Variants in ADAMTS19 observed in about 807,000 individuals in gnomAD.
ADAMTS19 encodes the protein ADAM metallopeptidase with thrombospondin type 1 motif 19, also known as A disintegrin and metalloproteinase with thrombospondin motifs 19.
In ADAMTS19, 93 loss-of-function variants were observed where a neutral mutation model predicts 153.3. The observed-to-expected ratio is 0.61, with a 90% CI of 0.51 to 0.72. The LOEUF is 0.72. Ranked by LOEUF, ADAMTS19 falls within the 30% of genes least tolerant of loss-of-function variation. ADAMTS19 has a pLI of 0.00. For synonymous variants in ADAMTS19, 600 were observed against 556.6 expected (o/e 1.08, Z -1.10); for missense variants, 1,482 against 1,552.1 (o/e 0.95, Z 0.76).
chr5:129,487,810 A>C (rs1025864526), intron 2 of ADAMTS19, among the ~76,000 whole-genome samples: 23 of 152,136 alleles, frequency 1.5e-4, no homozygotes, highest in African/African-American at 5.1e-4. Flanking sequence ...CTAATTAAGA[A>C]TCTAATTCAG....
intron 2 of ADAMTS19, among the ~76,000 whole-genome samples, chr5:129,462,806 G>T (rs1011610926): frequency 2.0e-5 from 3 of 152,108 alleles, no homozygotes; most frequent in Admixed American, 6.6e-5. Flanking sequence ...ATGCACTTGT[G>T]ATTTGTGGCT....
intron 6 of ADAMTS19, among the ~76,000 whole-genome samples, chr5:129,529,904 G>A (rs1228566310): frequency 6.6e-6 from 1 of 152,102 alleles, no homozygotes; most frequent in African/African-American, 2.4e-5. Flanking sequence ...GCACAAGAGT[G>A]GAACAATCTT....
chr5:129,719,226 T>C (rs895533767), intron 21 of ADAMTS19, among the ~76,000 whole-genome samples: 6 of 152,236 alleles, frequency 3.9e-5, no homozygotes, highest in African/African-American at 7.2e-5. Context: ...ATGACATTTA[T>C]AGGATTTACA....
chr5:129,644,060 C>T (rs1394818214), intron 11 of ADAMTS19, among the ~76,000 whole-genome samples: 14 of 151,848 alleles, frequency 9.2e-5, no homozygotes, highest in Admixed American at 9.2e-4. Context: ...GATTTTTTCC[C>T]TTGTATATAT....
At chr5:129,598,173 AG>A (rs2126923473) in intron 8 of ADAMTS19, among the ~76,000 whole-genome samples, 1 of 152,292 alleles carries the variant, frequency 6.6e-6, no homozygotes, top group Non-Finnish European at 1.5e-5. Flanking sequence ...CATAAAAGTA[AG>A]ATTTGCAGAC....
At chr5:129,547,878 A>G (rs1481132614) in intron 6 of ADAMTS19, among the ~76,000 whole-genome samples, 1 of 150,902 alleles carries the variant, frequency 6.6e-6, no homozygotes, top group Non-Finnish European at 1.5e-5. Flanking sequence ...CCACATATCT[A>G]CAACTATCTG....
intron 2 of ADAMTS19, among the ~76,000 whole-genome samples, chr5:129,505,407 G>C (rs1186586920): frequency 2.0e-5 from 3 of 152,080 alleles, no homozygotes; most frequent in African/African-American, 7.2e-5. Flanking sequence ...CTTATATGCT[G>C]TAGGATCTGT....
chr5:129,645,096 T>A (rs888387093), intron 11 of ADAMTS19, among the ~76,000 whole-genome samples: 15 of 152,138 alleles, frequency 9.9e-5, no homozygotes, highest in African/African-American at 1.4e-4. Context: ...ACATAAAAAT[T>A]TAGGAGTATA....
At chr5:129,704,631 AAAT>A (rs1756061424) in intron 21 of ADAMTS19, among the ~76,000 whole-genome samples, 1 of 152,190 alleles carries the variant, frequency 6.6e-6, no homozygotes, top group African/African-American at 2.4e-5. Flanking sequence ...AGCTATCAAA[AAAT>A]AATAGCTGTC....
At chr5:129,471,188 A>G (rs900624417) in intron 2 of ADAMTS19, among the ~76,000 whole-genome samples, 3 of 152,024 alleles carry the variant, frequency 2.0e-5, no homozygotes, top group Non-Finnish European at 4.4e-5. Flanking sequence ...AACCTAAAAT[A>G]TGAAGTTAAA....
At chr5:129,714,911 G>C (rs532837715) in intron 21 of ADAMTS19, among the ~76,000 whole-genome samples, 12 of 152,140 alleles carry the variant, frequency 7.9e-5, no homozygotes, top group Non-Finnish European at 1.5e-4. Flanking sequence ...CAATCTGTGT[G>C]TCCATTAACT....
intron 6 of ADAMTS19, among the ~76,000 whole-genome samples, chr5:129,539,464 C>G (rs1581058818): frequency 6.6e-6 from 1 of 151,940 alleles, no homozygotes; most frequent in Admixed American, 6.6e-5. Context: ...TTTATTTTGT[C>G]CCATTAAGAC....
intron 2 of ADAMTS19, among the ~76,000 whole-genome samples, chr5:129,464,109 A>C (rs987972564): frequency 6.6e-6 from 1 of 152,246 alleles, no homozygotes; most frequent in Non-Finnish European, 1.5e-5. Flanking sequence ...GAGGAGACTG[A>C]GTGCAGGCAT....
chr5:129,700,997 C>G (rs1291110561), intron 19 of ADAMTS19, among the ~76,000 whole-genome samples: 8 of 151,812 alleles, frequency 5.3e-5, no homozygotes, highest in Non-Finnish European at 7.4e-5. Flanking sequence ...GTGTCTCCAC[C>G]CAAATCTCAT....
intron 2 of ADAMTS19, among the ~76,000 whole-genome samples, chr5:129,508,065 ATAT>A (rs1413591563): frequency 6.6e-6 from 1 of 152,096 alleles, no homozygotes; most frequent in Non-Finnish European, 1.5e-5. Flanking sequence ...GAAAATAATT[ATAT>A]TATTATTGTG....
chr5:129,488,233 A>G (rs1329931135), intron 2 of ADAMTS19, among the ~76,000 whole-genome samples: 1 of 152,094 alleles, frequency 6.6e-6, no homozygotes, highest in Non-Finnish European at 1.5e-5. Context: ...TAAATAATGT[A>G]CTTTCTATAG....
rs189951037 is a variant in ADAMTS19, at chr5:129,602,772, C to T, written c.1478+6108C>T. Among the ~76,000 whole-genome samples the T allele has an allele frequency of 2.9e-4, 44 of 150,782 alleles. No homozygotes were observed. The East Asian group carries it at 8.2e-3, about 28-fold the overall frequency. ...CCGTAGGTTTTTGCAATTACAAGTA[C>T]TTTCTCATTCTAAAATTAGGGAAAC... On this transcript the variant is annotated intron_variant, in intron 8 of 22. Transcript: ENST00000274487.
chr5:129,610,360 T>C (rs1419055337), intron 8 of ADAMTS19, among the ~76,000 whole-genome samples: 1 of 152,136 alleles, frequency 6.6e-6, no homozygotes, highest in East Asian at 1.9e-4. Context: ...TACATATGTA[T>C]ACATGTGCCA....
At chr5:129,539,933 T>G (rs1386626413) in intron 6 of ADAMTS19, among the ~76,000 whole-genome samples, 1 of 152,086 alleles carries the variant, frequency 6.6e-6, no homozygotes, top group Non-Finnish European at 1.5e-5. Context: ...AAGAGAATAT[T>G]TTATTCCTAA....
Sources: gnomAD v4.1 joint callset for allele counts (sites outside exome capture counted in the v4.1 genomes callset) on GRCh38, gnomAD v4.1.1 for gene constraint, MANE v1.5 for transcripts, NCBI Gene and HGNC (gene_info 2026-07-23, HGNC 2026-07-21) for gene names.